Variants in PLCB1 observed in about 807,000 individuals in gnomAD.
The protein encoded by PLCB1 is phospholipase C beta 1, also known as 1-phosphatidylinositol 4,5-bisphosphate phosphodiesterase beta-1.
Under a neutral mutation model 161.8 loss-of-function variants are expected in PLCB1, and 46 were observed. That is an observed-to-expected ratio of 0.28 (90% confidence interval 0.22 to 0.36). The LOEUF (loss-of-function observed/expected upper bound fraction) is 0.36. PLCB1 is among the 10% of genes least tolerant of loss of function. PLCB1 has a pLI of 1.00. For missense variants in PLCB1, 1,016 were observed against 1,472.5 expected (o/e 0.69, Z 5.07); for synonymous variants, 517 against 503.7 (o/e 1.03, Z -0.35).
chr20:8,354,059 T>A (rs1600337604), intron 2 of PLCB1, among the ~76,000 whole-genome samples: 1 of 150,974 alleles, frequency 6.6e-6, no homozygotes, highest in South Asian at 2.1e-4. Context: ...ATAATCGTGG[T>A]GGCCTGGGGC....
chr20:8,422,332 T>A (rs550686083), intron 3 of PLCB1, among the ~76,000 whole-genome samples: 1 of 152,358 alleles, frequency 6.6e-6, no homozygotes. Context: ...TTATTGGTTT[T>A]TTCTGACAGG....
intron 31 of PLCB1, among the ~76,000 whole-genome samples, chr20:8,793,481 AAG>A (rs1983866896): frequency 6.6e-6 from 1 of 152,130 alleles, no homozygotes; most frequent in South Asian, 2.1e-4. Context: ...CAGAGTAAAA[AAG>A]AGAGAAATTT....
intron 31 of PLCB1, among the ~76,000 whole-genome samples, chr20:8,794,275 T>C (rs982697690): frequency 8.5e-5 from 13 of 152,356 alleles, no homozygotes; most frequent in Middle Eastern, 3.4e-3. Flanking sequence ...AGGGTATTGA[T>C]TGGGGAAGTG....
rs568723016 is a variant in PLCB1, at chr20:8,550,385, G to A, written c.247-77909G>A. 5.3e-5 allele frequency among the ~76,000 whole-genome samples: 8 copies of A among 152,204 alleles called. 1 individual carries two copies. In the South Asian group the frequency reaches 1.7e-3, roughly 32 times the overall value. On this transcript the variant is annotated intron_variant, in intron 3 of 31. Transcript: ENST00000338037. ...AGGTGGATATAATTGAATCATAGGG[G>A]TGGCTTCCCCCGTGTTGTTCTCACG...
Position 8,630,010 on chromosome 20 carries a change from C to CTTTCTTTCTTTCTT in PLCB1, c.384+1580_384+1581insTTCTTTCTTTCTTT, listed in dbSNP as rs760712723. Among the ~76,000 whole-genome samples, 124 of 60,622 alleles carry CTTTCTTTCTTTCTT rather than the reference C, an allele frequency of 2.0e-3. 2 individuals carry two copies. The highest frequency in any genetic ancestry group is 3.0e-3 in the African/African-American group (45 of 14,864). 39.8% of individuals were successfully genotyped at this position (60,622 alleles called of 152,430 possible). A position where few individuals can be genotyped will look rare whatever the true frequency, so the allele number is the denominator to read the frequency against. Reference sequence around the variant, plus strand: ...TCTTTCTTTCTTTCTTTCTTTCTTTCTCTTTCTTCTTTCCTTTCTTTCCTC... The same window carrying CTTTCTTTCTTTCTT: ...TCTTTCTTTCTTTCTTTCTTTCTTTCTTTCTTTCTTTCTTTCTTTCTTCTTTCCTTTCTTTCCTC... On this transcript the variant is annotated intron_variant, in intron 4 of 31. Transcript: ENST00000338037.
intron 3 of PLCB1, among the ~76,000 whole-genome samples, chr20:8,501,119 A>G (rs1983386812): frequency 1.3e-5 from 2 of 152,204 alleles, no homozygotes; most frequent in African/African-American, 4.8e-5. Flanking sequence ...AGAGGCACGC[A>G]CTGTGGATCC....
At chr20:8,523,494 CTCTATATA>C (rs1240176370) in intron 3 of PLCB1, among the ~76,000 whole-genome samples, 2 of 49,584 alleles carry the variant, frequency 4.0e-5, no homozygotes, top group East Asian at 3.4e-4. Context: ...CTCTCTCTCT[CTCTATATA>C]TATATATATA....
At chr20:8,649,015 T>A (rs1989241221) in intron 6 of PLCB1, among the ~76,000 whole-genome samples, 1 of 139,264 alleles carries the variant, frequency 7.2e-6, no homozygotes, top group Non-Finnish European at 1.6e-5. Context: ...AAATTAAATT[T>A]ATTAATAATG....
intron 31 of PLCB1, among the ~76,000 whole-genome samples, chr20:8,854,409 C>T (rs1292015144): frequency 6.6e-6 from 1 of 152,106 alleles, no homozygotes; most frequent in African/African-American, 2.4e-5. Flanking sequence ...CCAATAACAC[C>T]ATGGTGTTTA....
At chr20:8,457,820 T>C (rs78027209) in intron 3 of PLCB1, among the ~76,000 whole-genome samples, 7,667 of 152,040 alleles carry the variant, frequency 0.05, 253 homozygotes, top group Non-Finnish European at 0.064. Context: ...CCTGCACAAG[T>C]CTCATTGCCT....
At chr20:8,236,830 GT>G (rs1292901131) in intron 2 of PLCB1, among the ~76,000 whole-genome samples, 1 of 151,772 alleles carries the variant, frequency 6.6e-6, no homozygotes, top group Non-Finnish European at 1.5e-5. Flanking sequence ...GGAAAGTAAA[GT>G]CCCCCAAAGA....
At chr20:8,491,570 G>A (rs1487191887) in intron 3 of PLCB1, among the ~76,000 whole-genome samples, 1 of 152,092 alleles carries the variant, frequency 6.6e-6, no homozygotes, top group Non-Finnish European at 1.5e-5. Context: ...TTGTTACCCC[G>A]AAATCTTGAA....
At chr20:8,878,410 C>T (rs372448992) in intron 31 of PLCB1, among the ~76,000 whole-genome samples, 9 of 152,228 alleles carry the variant, frequency 5.9e-5, no homozygotes, top group East Asian at 1.9e-4. Flanking sequence ...TTGTAAAAGC[C>T]CCACTTCCTT....
chr20:8,870,241 G>T (rs946707305), intron 31 of PLCB1, among the ~76,000 whole-genome samples: 3 of 152,160 alleles, frequency 2.0e-5, no homozygotes, highest in Non-Finnish European at 4.4e-5. Context: ...CCTTGAGAAA[G>T]ACCCTAACTT....
At chr20:8,353,996 T>C (rs1479446188) in intron 2 of PLCB1, among the ~76,000 whole-genome samples, 2 of 151,168 alleles carry the variant, frequency 1.3e-5, no homozygotes, top group East Asian at 3.9e-4. Flanking sequence ...AATCTAAAAT[T>C]ATTCTAGAAT....
intron 2 of PLCB1, among the ~76,000 whole-genome samples, chr20:8,225,335 G>A (rs964536617): frequency 6.6e-6 from 1 of 152,120 alleles, no homozygotes; most frequent in African/African-American, 2.4e-5. Context: ...TGAATGAAGT[G>A]TGAAGATACC....
chr20:8,397,572 AACAC>A (rs1426390440), intron 3 of PLCB1, among the ~76,000 whole-genome samples: 2 of 152,102 alleles, frequency 1.3e-5, no homozygotes, highest in Admixed American at 1.3e-4. Flanking sequence ...AAAATAAGGA[AACAC>A]ACACACAAAC....
At chr20:8,869,978 G>A (rs1468344294) in intron 31 of PLCB1, among the ~76,000 whole-genome samples, 1 of 152,240 alleles carries the variant, frequency 6.6e-6, no homozygotes, top group African/African-American at 2.4e-5. Context: ...AGGAATAGGA[G>A]TGAAAGCTAA....
intron 31 of PLCB1, among the ~76,000 whole-genome samples, chr20:8,834,466 T>C (rs925805908): frequency 1.3e-5 from 2 of 152,054 alleles, no homozygotes; most frequent in Non-Finnish European, 2.9e-5. Flanking sequence ...CATGTGATTA[T>C]GGAGGCTGGC....
Sources: allele counts gnomAD v4.1 joint callset (sites outside exome capture counted in the v4.1 genomes callset), GRCh38; gene constraint gnomAD v4.1.1; transcripts MANE v1.5; gene names NCBI Gene and HGNC (gene_info 2026-07-23, HGNC 2026-07-21).